CPED1: variants seen among roughly 807,000 people sequenced by gnomAD.
CPED1 encodes cadherin like and PC-esterase domain containing 1.
A neutral mutation model predicts 128.2 loss-of-function variants in CPED1; 114 were observed. That is an observed-to-expected ratio of 0.89 (90% confidence interval 0.76 to 1.04). CPED1 has a LOEUF of 1.04. CPED1 is among the 50% of genes least tolerant of loss of function. The pLI is 0.00. For missense variants in CPED1, 1,211 were observed against 1,207.1 expected (o/e 1.00, Z -0.05); for synonymous variants, 462 against 426.7 (o/e 1.08, Z -1.02).
chr7:121,056,559 T>C (rs1793504463), intron 4 of CPED1, among the ~76,000 whole-genome samples: 1 of 152,200 alleles, frequency 6.6e-6, no homozygotes, highest in Non-Finnish European at 1.5e-5. Flanking sequence ...CTTTACTGTG[T>C]TCTCCTAATT....
In CPED1 at chr7:120,993,306, T is replaced by C. The variant is rs578133109; in HGVS notation, c.249+3436T>C. 1.1e-3 allele frequency among the ~76,000 whole-genome samples: 169 copies of C among 152,330 alleles called. 3 individuals carry two copies. The highest frequency in any genetic ancestry group is 1.1e-3 in the Admixed American group (17 of 15,300). ...ATCTCCTTAATATATGCTTCTTTAATGGAAACTTTGCTATTTGGGGAATAC... is the reference window on the plus strand; with the variant it reads ...ATCTCCTTAATATATGCTTCTTTAACGGAAACTTTGCTATTTGGGGAATAC... On this transcript the variant is annotated intron_variant, in intron 2 of 22. Transcript: ENST00000310396.
chr7:121,253,950 G>GACTCCC (rs1798746033), intron 18 of CPED1, among the ~76,000 whole-genome samples: 1 of 151,820 alleles, frequency 6.6e-6, no homozygotes, highest in Admixed American at 6.6e-5. Context: ...AACAGATTTA[G>GACTCCC]ACACAATAAT....
chr7:121,291,135 G>C, intron 22 of CPED1, among the ~76,000 whole-genome samples: 1 of 152,136 alleles, frequency 6.6e-6, no homozygotes, highest in East Asian at 1.9e-4. Flanking sequence ...TCATTTCTGA[G>C]GCCTCTCCTC....
At chr7:121,255,543 T>C (rs73217372) in intron 18 of CPED1, among the ~76,000 whole-genome samples, 5,425 of 152,034 alleles carry the variant, frequency 0.036, 141 homozygotes, top group Non-Finnish European at 0.053. Flanking sequence ...CTATTCAACA[T>C]AGTACTGGAA....
chr7:121,217,000 T>G (rs1797773703), intron 16 of CPED1, among the ~76,000 whole-genome samples: 3 of 152,034 alleles, frequency 2.0e-5, no homozygotes, highest in African/African-American at 4.8e-5. Context: ...TTACTTATTA[T>G]CTGGAGGTGG....
At chr7:121,042,912 T>C (rs1356931859) in intron 3 of CPED1, among the ~76,000 whole-genome samples, 1 of 152,190 alleles carries the variant, frequency 6.6e-6, no homozygotes, top group Non-Finnish European at 1.5e-5. Flanking sequence ...GTTGTCCTTT[T>C]CCCCATGCAA....
chr7:121,237,193 A>G (rs2116667716), intron 17 of CPED1, among the ~76,000 whole-genome samples: 1 of 152,256 alleles, frequency 6.6e-6, no homozygotes, highest in South Asian at 2.1e-4. Context: ...ATGACCAAGT[A>G]TTGAATTAAT....
At chr7:121,289,358 T>A (rs1197641525) in intron 22 of CPED1, among the ~76,000 whole-genome samples, 1 of 152,224 alleles carries the variant, frequency 6.6e-6, no homozygotes, top group East Asian at 1.9e-4. Context: ...TGCACATTCA[T>A]TGTATTATAT....
chr7:121,210,281 C>T (rs1181350353), intron 16 of CPED1, among the ~76,000 whole-genome samples: 2 of 151,936 alleles, frequency 1.3e-5, no homozygotes, highest in African/African-American at 4.8e-5. Flanking sequence ...GTAGAACTAC[C>T]ATGTGATCCA....
chr7:121,186,738 A>G (rs1797013218), intron 16 of CPED1, among the ~76,000 whole-genome samples: 1 of 152,196 alleles, frequency 6.6e-6, no homozygotes, highest in Non-Finnish European at 1.5e-5. Flanking sequence ...TTCTGGTTTC[A>G]TCAAGCAATC....
intron 18 of CPED1, among the ~76,000 whole-genome samples, chr7:121,261,183 A>T (rs118078509): frequency 0.014 from 2,191 of 152,238 alleles, 29 homozygotes; most frequent in Non-Finnish European, 0.023. Flanking sequence ...AAAATGAGAT[A>T]AAAATCATTT....
At chr7:121,045,672 CATAA>C (rs1793177576) in intron 3 of CPED1, among the ~76,000 whole-genome samples, 2 of 152,146 alleles carry the variant, frequency 1.3e-5, no homozygotes, top group South Asian at 4.2e-4. Flanking sequence ...TGAGGTCTGG[CATAA>C]ATAATTACTC....
chr7:121,187,250 G>T lies in CPED1; in HGVS notation c.2055+45109G>T, dbSNP rs118145092. ...TGGTAAGGAGCCCAGTAGGTCGGTA[G>T]GATTGTCAGAGGACATCTCACTGCG... On this transcript the variant is annotated intron_variant, in intron 16 of 22. Transcript: ENST00000310396. Among the ~76,000 whole-genome samples the T allele has an allele frequency of 5.7e-3, 861 of 152,312 alleles. 4 individuals carry two copies. Among genetic ancestry groups the T allele is most frequent in the Middle Eastern group, 0.024 (7 of 294 alleles).
chr7:121,183,442 G>T (rs538495215), intron 16 of CPED1, among the ~76,000 whole-genome samples: 1 of 152,252 alleles, frequency 6.6e-6, no homozygotes, highest in African/African-American at 2.4e-5. Context: ...AAGAAAGAGA[G>T]GAGGACAGTA....
chr7:121,169,900 C>T (rs984408375), intron 16 of CPED1, among the ~76,000 whole-genome samples: 2 of 152,078 alleles, frequency 1.3e-5, no homozygotes, highest in African/African-American at 4.8e-5. Flanking sequence ...GCATGGATGG[C>T]TCCAATAATG....
intron 9 of CPED1, 63 bp downstream of exon 9, chr7:121,125,955 T>TGTGTGTGTG: frequency 9.1e-7 from 1 of 1,102,576 alleles, no homozygotes. Context: ...TGTGTGTGTG[T>TGTGTGTGTG]TGTTGTTGTT....
At chr7:121,276,143 G>A (rs1300406929) in intron 22 of CPED1, among the ~76,000 whole-genome samples, 2 of 152,076 alleles carry the variant, frequency 1.3e-5, no homozygotes, top group East Asian at 3.9e-4. Flanking sequence ...AGTTAGAAGA[G>A]CATTTTATAG....
At position 121,236,920 on chromosome 7, in the gene CPED1, A is replaced by G. The variant is rs905062473; in HGVS notation, c.2173+89A>G. 11 of 571,592 alleles carry G rather than the reference A, an allele frequency of 1.9e-5. No homozygotes were observed. In the African/African-American group the frequency reaches 2.1e-4, roughly 11 times the overall value. The allele number at this position is 571,592 out of a possible 1,614,324, so 35.4% of individuals were successfully genotyped here. ...CTTATTTAAACTATCCTTTTATAAA[A>G]AAACAAGGGCATTACTTTTTATTGA... On this transcript the variant is annotated intron_variant, in intron 17 of 22. Transcript: ENST00000310396.
At chr7:121,151,949 C>T (rs1195887516) in intron 16 of CPED1, among the ~76,000 whole-genome samples, 3 of 152,196 alleles carry the variant, frequency 2.0e-5, no homozygotes, top group Admixed American at 6.5e-5. Flanking sequence ...TCACTGATTG[C>T]AGAACTAACT....
Sources: gnomAD v4.1 joint callset for allele counts (sites outside exome capture counted in the v4.1 genomes callset) on GRCh38, gnomAD v4.1.1 for gene constraint, MANE v1.5 for transcripts, NCBI Gene and HGNC (gene_info 2026-07-23, HGNC 2026-07-21) for gene names.